Variants in SEMA5A observed in about 807,000 individuals in gnomAD.
SEMA5A encodes the protein semaphorin 5A, also known as semaphorin-5A.
SEMA5A carries 55 observed loss-of-function variants against 135.5 expected under a neutral mutation model. The observed-to-expected ratio is 0.41, with a 90% CI of 0.33 to 0.51. SEMA5A has a LOEUF of 0.51. SEMA5A is among the 20% of genes least tolerant of loss of function. The pLI, the probability that SEMA5A is intolerant of heterozygous loss-of-function variation, is 0.37. For synonymous variants in SEMA5A, 580 were observed against 546.5 expected, an observed-to-expected ratio of 1.06 and a Z score of -0.85; for missense variants, 1,290 against 1,419.9, an observed-to-expected ratio of 0.91 and a Z score of 1.47.
intron 21 of SEMA5A, chr5:9,045,860 A>G (rs566308897): frequency 1.3e-5 from 2 of 152,370 alleles, no homozygotes; most frequent in East Asian, 3.9e-4. Flanking sequence ...TCTCTAAAAT[A>G]GGATTGGCTC....
intron 3 of SEMA5A, among the ~76,000 whole-genome samples, chr5:9,377,739 C>T (rs1356118459): frequency 6.6e-6 from 1 of 152,038 alleles, no homozygotes; most frequent in Non-Finnish European, 1.5e-5. Flanking sequence ...AACAAAGACC[C>T]TAGAGTCCTG....
chr5:9,062,791 C>T, intron 18 of SEMA5A, 96 bp downstream of exon 18: 13 of 1,282,814 alleles, frequency 1.0e-5, no homozygotes, highest in Non-Finnish European at 1.5e-5. Flanking sequence ...AGATCTCAAA[C>T]ACGAAGCCAG....
At chr5:9,491,092 T>C (rs1734976827) in intron 1 of SEMA5A, among the ~76,000 whole-genome samples, 1 of 151,942 alleles carries the variant, frequency 6.6e-6, no homozygotes, top group Admixed American at 6.6e-5. Context: ...TCTCCTCAGA[T>C]GTCTATAGAA....
chr5:9,050,137 A>C (rs1736485318), intron 21 of SEMA5A, among the ~76,000 whole-genome samples: 1 of 152,142 alleles, frequency 6.6e-6, no homozygotes, highest in African/African-American at 2.4e-5. Context: ...GATTCTGTGG[A>C]TCAAGGTGGG....
chr5:9,251,821 G>T (rs1202457834), intron 5 of SEMA5A, among the ~76,000 whole-genome samples: 3 of 152,172 alleles, frequency 2.0e-5, no homozygotes, highest in Non-Finnish European at 4.4e-5. Flanking sequence ...AACTCCTGAT[G>T]GGGAAGATGG....
chr5:9,166,279 G>A (rs1482236724), intron 11 of SEMA5A, among the ~76,000 whole-genome samples: 1 of 152,106 alleles, frequency 6.6e-6, no homozygotes, highest in Non-Finnish European at 1.5e-5. Flanking sequence ...CTCAAGCAGA[G>A]ACATGTTCAT....
At chr5:9,349,930 A>C (rs1004553354) in intron 3 of SEMA5A, among the ~76,000 whole-genome samples, 26 of 151,040 alleles carry the variant, frequency 1.7e-4, no homozygotes, top group Middle Eastern at 3.4e-3. Context: ...AACAAACAAA[A>C]AAAAAACATG....
At chr5:9,481,605 C>T (rs1053543289) in intron 1 of SEMA5A, among the ~76,000 whole-genome samples, 1 of 152,156 alleles carries the variant, frequency 6.6e-6, no homozygotes, top group African/African-American at 2.4e-5. Context: ...TATTTATAAC[C>T]TTAGCACTTC....
chr5:9,365,428 T>C (rs1348555226), intron 3 of SEMA5A, among the ~76,000 whole-genome samples: 1 of 152,224 alleles, frequency 6.6e-6, no homozygotes, highest in Non-Finnish European at 1.5e-5. Flanking sequence ...CAGGAGACTG[T>C]ACTGATCCTG....
At chr5:9,180,784 G>GAA (rs75008523) in intron 11 of SEMA5A, among the ~76,000 whole-genome samples, 17 of 151,262 alleles carry the variant, frequency 1.1e-4, no homozygotes, top group Admixed American at 2.6e-4. Context: ...TTAGGTGCTA[G>GAA]AAAAAAAAAT....
At chr5:9,098,706 T>C (rs1389602540) in intron 16 of SEMA5A, among the ~76,000 whole-genome samples, 3 of 152,240 alleles carry the variant, frequency 2.0e-5, no homozygotes, top group African/African-American at 7.2e-5. Flanking sequence ...CCTACTCGTG[T>C]AGGCCTATAA....
intron 1 of SEMA5A, among the ~76,000 whole-genome samples, chr5:9,538,259 C>CTCTT (rs3842080): frequency 0.82 from 123,594 of 151,174 alleles, 50,584 homozygotes; most frequent in Middle Eastern, 0.85. Context: ...TTTGATTCTT[C>CTCTT]TCTAAGAGCG....
At chr5:9,351,571 A>C (rs1373453041) in intron 3 of SEMA5A, among the ~76,000 whole-genome samples, 1 of 152,230 alleles carries the variant, frequency 6.6e-6, no homozygotes, top group Non-Finnish European at 1.5e-5. Flanking sequence ...AAGAAAAAAT[A>C]ATAGACATTC....
intron 16 of SEMA5A, among the ~76,000 whole-genome samples, chr5:9,098,258 A>T (rs1274890585): frequency 6.6e-6 from 1 of 151,282 alleles, no homozygotes; most frequent in Non-Finnish European, 1.5e-5. Context: ...TAAATAAATA[A>T]ATAAATAAAT....
chr5:9,154,169 C>A (rs1295003682), intron 12 of SEMA5A, among the ~76,000 whole-genome samples: 1 of 145,396 alleles, frequency 6.9e-6, no homozygotes. Context: ...AAGCTTGTGC[C>A]AGATTAACAT....
chr5:9,453,048 A>G (rs1758703513), intron 1 of SEMA5A, among the ~76,000 whole-genome samples: 1 of 152,202 alleles, frequency 6.6e-6, no homozygotes, highest in South Asian at 2.1e-4. Flanking sequence ...TCATTATCCT[A>G]AGTCTAAACA....
At chr5:9,354,576 G>A (rs1002253949) in intron 3 of SEMA5A, among the ~76,000 whole-genome samples, 12 of 152,088 alleles carry the variant, frequency 7.9e-5, no homozygotes, top group African/African-American at 2.9e-4. Context: ...TCAAGCCTTC[G>A]GGCAGCAAAC....
At chr5:9,325,632 A>G (rs1436274207) in intron 4 of SEMA5A, among the ~76,000 whole-genome samples, 1 of 152,162 alleles carries the variant, frequency 6.6e-6, no homozygotes, top group Non-Finnish European at 1.5e-5. Context: ...CATGTAAAGT[A>G]GTAAAATGCA....
chr5:9,167,550 G>A (rs1743681760), intron 11 of SEMA5A, among the ~76,000 whole-genome samples: 1 of 151,994 alleles, frequency 6.6e-6, no homozygotes, highest in Non-Finnish European at 1.5e-5. Flanking sequence ...AACACCCCAG[G>A]ACTTTCTAGA....
Sources: allele counts gnomAD v4.1 joint callset (sites outside exome capture counted in the v4.1 genomes callset), GRCh38; gene constraint gnomAD v4.1.1; transcripts MANE v1.5; gene names NCBI Gene and HGNC (gene_info 2026-07-23, HGNC 2026-07-21).